The following ZNF407 variants were observed in gnomAD, a reference collection of about 807,000 sequenced individuals.
ZNF407 encodes the protein zinc finger protein 407.
ZNF407 carries 17 observed loss-of-function variants against 131.2 expected under a neutral mutation model. The observed-to-expected ratio is 0.13, with a 90% CI of 0.09 to 0.19. The LOEUF (loss-of-function observed/expected upper bound fraction) is 0.19. ZNF407 is among the 10% of genes least tolerant of loss of function. ZNF407 has a pLI of 1.00. For missense variants in ZNF407, 2,681 were observed against 2,830.6 expected, an observed-to-expected ratio of 0.95 and a Z score of 1.20; for synonymous variants, 1,156 against 1,062.0, an observed-to-expected ratio of 1.09 and a Z score of -1.72.
intron 8 of ZNF407, among the ~76,000 whole-genome samples, chr18:74,954,129 T>C (rs1350217070): frequency 1.3e-5 from 2 of 152,250 alleles, no homozygotes; most frequent in African/African-American, 4.8e-5. Flanking sequence ...TAACAAAATT[T>C]AATGCTTTCT....
chr18:74,693,817 T>C (rs1034233216), intron 3 of ZNF407, among the ~76,000 whole-genome samples: 3 of 152,200 alleles, frequency 2.0e-5, no homozygotes, highest in Admixed American at 6.5e-5. Flanking sequence ...TTCTGTTTAC[T>C]ACCCTATTTA....
At chr18:75,045,985 T>G (rs935444165) in intron 8 of ZNF407, among the ~76,000 whole-genome samples, 2 of 152,240 alleles carry the variant, frequency 1.3e-5, no homozygotes, top group East Asian at 3.8e-4. Flanking sequence ...TATTTGCATA[T>G]GATGAACCAA....
Position 74,955,701 on chromosome 18 carries a change from C to T in ZNF407, c.5428+35009C>T, listed in dbSNP as rs116355674. On this transcript the variant is annotated intron_variant, in intron 8 of 8. Transcript: ENST00000299687. ...ACCCTGTTTTCCAAGGTGGTGATAA[C>T]TAAGTGGGTACCCGAGTCACATCAA... Among the ~76,000 whole-genome samples the T allele has an allele frequency of 8.8e-3, 1,347 of 152,282 alleles. 21 individuals are homozygous for T. Among genetic ancestry groups the T allele is most frequent in the African/African-American group, 0.029 (1,220 of 41,558 alleles).
rs934302745 is a variant in ZNF407 at position 75,053,700 on chromosome 18, G to A, written c.5429-9450G>A. Among the ~76,000 whole-genome samples, 53 of 152,326 alleles carry A rather than the reference G, an allele frequency of 3.5e-4. No individual in the cohort carries two copies. The Middle Eastern group carries it at 0.024, about 68-fold the overall frequency. On this transcript the variant is annotated intron_variant, in intron 8 of 8. Coordinates refer to ENST00000299687, the MANE Select transcript of ZNF407 (RefSeq NM_017757.3). The stretch of plus-strand genomic sequence containing the variant: ...TTTCTACTGGTTAGGAAGAAAATGC[G>A]TTATCGTTTTCTACCTTGACAATGT...
chr18:74,622,378 C>T (rs759148583), intron 1 of ZNF407, among the ~76,000 whole-genome samples: 6 of 152,320 alleles, frequency 3.9e-5, no homozygotes, highest in South Asian at 2.1e-4. Context: ...TCTTACCTTG[C>T]GCAGCCATTG....
chr18:74,809,217 C>G (rs911808645), intron 4 of ZNF407, among the ~76,000 whole-genome samples: 3 of 152,222 alleles, frequency 2.0e-5, no homozygotes, highest in African/African-American at 7.2e-5. Context: ...CTTTCCTCCT[C>G]TTCTTTTACA....
At chr18:74,994,980 A>T (rs754570500) in intron 8 of ZNF407, among the ~76,000 whole-genome samples, 2 of 152,220 alleles carry the variant, frequency 1.3e-5, no homozygotes, top group African/African-American at 2.4e-5. Context: ...AGAAGTGACA[A>T]GCCGTGGTTC....
At chr18:74,894,506 T>G (rs2145201070) in intron 7 of ZNF407, among the ~76,000 whole-genome samples, 1 of 152,266 alleles carries the variant, frequency 6.6e-6, no homozygotes, top group Middle Eastern at 3.4e-3. Context: ...TTCCAAAACA[T>G]AGGGTTTTTT....
intron 8 of ZNF407, among the ~76,000 whole-genome samples, chr18:74,946,357 A>G (rs1972153732): frequency 6.6e-6 from 1 of 152,162 alleles, no homozygotes; most frequent in African/African-American, 2.4e-5. Flanking sequence ...TCTCTGCCCC[A>G]TCCCCAGGAA....
At chr18:75,011,560 AAAGT>A (rs770284465) in intron 8 of ZNF407, among the ~76,000 whole-genome samples, 5 of 152,302 alleles carry the variant, frequency 3.3e-5, no homozygotes, top group Non-Finnish European at 7.4e-5. Flanking sequence ...CCCAGTGATA[AAAGT>A]AAGTAGTAAG....
At chr18:74,826,112 T>C (rs977555907) in intron 4 of ZNF407, among the ~76,000 whole-genome samples, 2 of 152,252 alleles carry the variant, frequency 1.3e-5, no homozygotes, top group African/African-American at 2.4e-5. Context: ...ACTTTACTTT[T>C]GTAGAACTTT....
At chr18:75,016,712 T>A (rs897567998) in intron 8 of ZNF407, among the ~76,000 whole-genome samples, 3 of 152,164 alleles carry the variant, frequency 2.0e-5, no homozygotes, top group Admixed American at 2.0e-4. Context: ...TCTCTTGGTG[T>A]AGTTATAAAA....
rs532612584 is a variant in ZNF407 at position 74,719,439 on chromosome 18, G to T, written c.4803-61989G>T. Among the ~76,000 whole-genome samples the T allele has an allele frequency of 2.6e-5, 4 of 152,094 alleles. No homozygotes were observed. In the South Asian group the frequency reaches 8.3e-4, roughly 32 times the overall value. On this transcript the variant is annotated intron_variant, in intron 3 of 8. Coordinates refer to ENST00000299687, the MANE Select transcript of ZNF407 (RefSeq NM_017757.3). ...TTTAGAGACGGAGTCTTGCTCTGTCGCCCAGGCTGGAGGGCAGTGGCGCGA... is the reference window on the plus strand; with the variant it reads ...TTTAGAGACGGAGTCTTGCTCTGTCTCCCAGGCTGGAGGGCAGTGGCGCGA...
chr18:74,676,962 C>T (rs1180529356), intron 3 of ZNF407, among the ~76,000 whole-genome samples: 1 of 152,202 alleles, frequency 6.6e-6, no homozygotes, highest in East Asian at 1.9e-4. Context: ...CGTCTTCCCT[C>T]CTTCTGCCCT....
intron 8 of ZNF407, among the ~76,000 whole-genome samples, chr18:75,037,784 C>T (rs979907854): frequency 1.3e-5 from 2 of 152,126 alleles, no homozygotes; most frequent in Non-Finnish European, 2.9e-5. Context: ...TGTACAGAAA[C>T]TCGGCAGGCC....
intron 4 of ZNF407, among the ~76,000 whole-genome samples, chr18:74,796,135 T>C (rs1969915696): frequency 6.6e-6 from 1 of 152,258 alleles, no homozygotes; most frequent in African/African-American, 2.4e-5. Flanking sequence ...GAAAAAAATC[T>C]TAATTTTATC....
chr18:75,010,649 C>T (rs8093803), intron 8 of ZNF407, among the ~76,000 whole-genome samples: 113,476 of 152,064 alleles, frequency 0.75, 43,450 homozygotes, highest in Non-Finnish European at 0.83. Context: ...AGTGAGGATG[C>T]CCCAGACACT....
At chr18:75,053,967 T>G (rs1973531772) in intron 8 of ZNF407, among the ~76,000 whole-genome samples, 1 of 152,232 alleles carries the variant, frequency 6.6e-6, no homozygotes, top group Admixed American at 6.5e-5. Flanking sequence ...TCCTGCACCC[T>G]TTCTCCTGCT....
chr18:74,658,806 A>G (rs1446734447), intron 3 of ZNF407, among the ~76,000 whole-genome samples: 5 of 152,176 alleles, frequency 3.3e-5, no homozygotes. Flanking sequence ...CATAAAACCA[A>G]GTAGACATTT....
Sources: allele counts gnomAD v4.1 joint callset (sites outside exome capture counted in the v4.1 genomes callset), GRCh38; gene constraint gnomAD v4.1.1; transcripts MANE v1.5; gene names NCBI Gene and HGNC (gene_info 2026-07-23, HGNC 2026-07-21).